GRID1: variants seen among roughly 807,000 people sequenced by gnomAD.
The protein encoded by GRID1 is glutamate ionotropic receptor delta type subunit 1.
GRID1 carries 28 observed loss-of-function variants against 98.0 expected under a neutral mutation model. The ratio of observed to expected loss-of-function variants is 0.29; its 90% CI spans 0.21 to 0.39. The LOEUF (loss-of-function observed/expected upper bound fraction) is 0.39. Among genes scored for constraint, GRID1 ranks in the 10% least tolerant of loss-of-function variants. GRID1 has a pLI of 1.00. For synonymous variants in GRID1, 553 were observed against 538.5 expected, an observed-to-expected ratio of 1.03 and a Z score of -0.37; for missense variants, 1,111 against 1,340.5, an observed-to-expected ratio of 0.83 and a Z score of 2.67.
chr10:85,868,981 G>A (rs767186698), intron 6 of GRID1, 29 bp downstream of exon 6: 10 of 1,602,060 alleles, frequency 6.2e-6, no homozygotes, highest in Non-Finnish European at 8.5e-6. Flanking sequence ...TTGGTGGAGG[G>A]GACTGGAGAG....
chr10:85,694,797 A>G (rs966744811), intron 12 of GRID1, among the ~76,000 whole-genome samples: 3 of 138,566 alleles, frequency 2.2e-5, no homozygotes, highest in Non-Finnish European at 4.7e-5. Context: ...GACACTAGAG[A>G]GAGACTTGGA....
intron 2 of GRID1, among the ~76,000 whole-genome samples, chr10:86,289,962 A>G (rs188932576): frequency 3.3e-5 from 5 of 152,338 alleles, no homozygotes; most frequent in Non-Finnish European, 5.9e-5. Context: ...AGTCAAGCCA[A>G]TGAGAGAAGA....
At chr10:86,343,024 A>T (rs1280359979) in intron 2 of GRID1, among the ~76,000 whole-genome samples, 2 of 152,232 alleles carry the variant, frequency 1.3e-5, no homozygotes, top group Admixed American at 1.3e-4. Context: ...TGAAGGATCA[A>T]CAGAGGACTT....
rs545479691 is a variant in GRID1, at chr10:85,806,106, T to C, written c.1233+48390A>G. Among the ~76,000 whole-genome samples, 8 of 149,902 alleles carry C rather than the reference T, an allele frequency of 5.3e-5. No individual in the cohort carries two copies. In the South Asian group the frequency reaches 1.5e-3, roughly 28 times the overall value. On this transcript the variant is annotated intron_variant, in intron 8 of 15. Transcript: ENST00000327946. ...GGTATCCAGAATATTGAAGAAATTA[T>C]ATAACTCAATCAAAGAAGACAAGCA...
intron 2 of GRID1, among the ~76,000 whole-genome samples, chr10:86,283,995 C>T (rs1283608826): frequency 6.8e-6 from 1 of 146,722 alleles, no homozygotes; most frequent in African/African-American, 2.5e-5. Context: ...CACACCAGCC[C>T]ATACACACCT....
intron 4 of GRID1, among the ~76,000 whole-genome samples, chr10:86,035,965 C>T (rs1178157216): frequency 6.6e-6 from 1 of 152,170 alleles, no homozygotes; most frequent in East Asian, 1.9e-4. Flanking sequence ...CCCCCTGCAG[C>T]CCACCTCAAG....
chr10:86,326,776 A>T lies in GRID1; in HGVS notation c.235+37165T>A, dbSNP rs372867233. Among the ~76,000 whole-genome samples the T allele has an allele frequency of 5.9e-5, 9 of 152,328 alleles. No homozygotes were observed. In the East Asian group the frequency reaches 1.4e-3, roughly 23 times the overall value. ...GGTAAATTGGAGACAAGAGTGGAGC[A>T]GGTGCCAGGTTACCCAGGAGGAAAC... On this transcript the variant is annotated intron_variant, in intron 2 of 15. Transcript: ENST00000327946.
At chr10:86,156,917 C>G (rs1372208413) in intron 3 of GRID1, among the ~76,000 whole-genome samples, 1 of 152,098 alleles carries the variant, frequency 6.6e-6, no homozygotes, top group African/African-American at 2.4e-5. Flanking sequence ...GGCAACAGAC[C>G]AGGCAAGAGA....
intron 2 of GRID1, among the ~76,000 whole-genome samples, chr10:86,316,190 T>C (rs1847895896): frequency 1.3e-5 from 2 of 152,238 alleles, no homozygotes; most frequent in Admixed American, 6.5e-5. Flanking sequence ...GACCTTCTGG[T>C]GCTGCACTCT....
chr10:86,302,109 C>T (rs1471100106), intron 2 of GRID1, among the ~76,000 whole-genome samples: 1 of 152,226 alleles, frequency 6.6e-6, no homozygotes, highest in Non-Finnish European at 1.5e-5. Flanking sequence ...TTATTTGACC[C>T]TTAGCTTCCC....
At chr10:85,842,061 C>T (rs1842965821) in intron 8 of GRID1, among the ~76,000 whole-genome samples, 4 of 152,032 alleles carry the variant, frequency 2.6e-5, no homozygotes, top group Admixed American at 6.6e-5. Context: ...ATATCAAAGA[C>T]ATGGAATTAA....
At chr10:85,743,110 C>CCCG (rs1362532674) in intron 8 of GRID1, among the ~76,000 whole-genome samples, 1 of 129,716 alleles carries the variant, frequency 7.7e-6, no homozygotes, top group Non-Finnish European at 1.7e-5. Context: ...ATGCAGCCCC[C>CCCG]CCCCCCACCA....
intron 2 of GRID1, among the ~76,000 whole-genome samples, chr10:86,279,309 T>C (rs1222196660): frequency 6.6e-6 from 1 of 152,182 alleles, no homozygotes; most frequent in East Asian, 1.9e-4. Flanking sequence ...AAGCTTCCAG[T>C]TGACAGTACT....
At position 85,820,027 on chromosome 10, in the gene GRID1, AAGGCAGGCAGGCAGGCAGGC is replaced by A. The variant is rs1156384223; in HGVS notation, c.1233+34449_1233+34468del. 5.4e-3 allele frequency among the ~76,000 whole-genome samples: 360 copies of A among 66,476 alleles called. 11 individuals carry two copies. The highest frequency in any genetic ancestry group is 0.033 in the Admixed American group (202 of 6,030). The allele number at this position is 66,476 out of a possible 152,430, so 43.6% of individuals were successfully genotyped here. On this transcript the variant is annotated intron_variant, in intron 8 of 15. Coordinates refer to ENST00000327946, the MANE Select transcript of GRID1 (RefSeq NM_017551.3). ...GAAGGAAGGAAGGAAGGAAGGAAGGAAGGCAGGCAGGCAGGCAGGCAGGCAGGCAGGCAGGCAGGCAGGAA... is the reference window on the plus strand; with the variant it reads ...GAAGGAAGGAAGGAAGGAAGGAAGGAAGGCAGGCAGGCAGGCAGGCAGGAA...
chr10:85,647,245 C>T lies in GRID1; in HGVS notation c.2150G>A (p.Gly717Glu). 1 of 1,614,262 alleles carries T rather than the reference C, an allele frequency of 6.2e-7. No individual in the cohort carries two copies. The highest frequency in any genetic ancestry group is 2.2e-5 in the East Asian group (1 of 44,886). ...AGGACTGGACACGCAGTTGTCAGCC[C>T]CTCCGTTCTTGCTGATGGTCCGCCA... is the stretch of plus-strand genomic sequence containing the variant. ...ELWRTISKNG[G>E]ADNCVSSPSE... Residue 717 changes from glycine (G) to glutamate (E), a missense_variant, in exon 13 of 16, where the codon GGG (glycine) becomes GAG (glutamate). Gly to Glu is a moderately conservative substitution (Grantham distance 98). Around this residue, in one of 3 missense-constraint regions of GRID1, gnomAD observed 762 missense variants for 869.1 expected, o/e 0.88. Transcript: ENST00000327946.
chr10:86,248,560 A>C (rs1846768432), intron 2 of GRID1, among the ~76,000 whole-genome samples: 1 of 122,966 alleles, frequency 8.1e-6, no homozygotes, highest in African/African-American at 3.2e-5. Flanking sequence ...GGGCATGACA[A>C]TTCTTTTTTT....
intron 4 of GRID1, among the ~76,000 whole-genome samples, chr10:86,018,048 AC>A (rs779877904): frequency 3.9e-5 from 6 of 152,140 alleles, no homozygotes; most frequent in Non-Finnish European, 5.9e-5. Flanking sequence ...TCTCCCAGGC[AC>A]TTCACACCCA....
chr10:86,266,610 C>G (rs1847107868), intron 2 of GRID1, among the ~76,000 whole-genome samples: 1 of 152,236 alleles, frequency 6.6e-6, no homozygotes, highest in Admixed American at 6.5e-5. Flanking sequence ...AGTGTCAGCC[C>G]AGCTCAGAGC....
At chr10:86,273,438 T>C (rs1307592686) in intron 2 of GRID1, among the ~76,000 whole-genome samples, 1 of 150,360 alleles carries the variant, frequency 6.7e-6, no homozygotes, top group East Asian at 1.9e-4. Context: ...AGTAATGGGA[T>C]GGCTGGGTCA....
Sources: allele counts gnomAD v4.1 joint callset (sites outside exome capture counted in the v4.1 genomes callset), GRCh38; gene constraint gnomAD v4.1.1; regional missense constraint gnomAD v4.1.1; transcripts MANE v1.5; gene names NCBI Gene and HGNC (gene_info 2026-07-23, HGNC 2026-07-21).